TCERG1L: variants seen among roughly 807,000 people sequenced by gnomAD.
TCERG1L encodes the protein transcription elongation regulator 1-like protein.
Under a neutral mutation model 56.3 loss-of-function variants are expected in TCERG1L, and 37 were observed. The observed-to-expected ratio is 0.66, with a 90% CI of 0.51 to 0.87. The LOEUF (loss-of-function observed/expected upper bound fraction) is 0.87, where lower values mean the gene tolerates loss of function less well. TCERG1L is among the 40% of genes least tolerant of loss of function. The pLI is 0.00. For synonymous variants in TCERG1L, 324 were observed against 326.3 expected, an observed-to-expected ratio of 0.99 and a Z score of 0.08; for missense variants, 799 against 774.2, an observed-to-expected ratio of 1.03 and a Z score of -0.38.
At chr10:131,130,516 G>A (rs575881276) in intron 8 of TCERG1L, among the ~76,000 whole-genome samples, 5 of 152,240 alleles carry the variant, frequency 3.3e-5, no homozygotes, top group African/African-American at 1.2e-4. Flanking sequence ...CAGGGCCCAC[G>A]CCCCTGTGTC....
chr10:131,235,652 G>T (rs1845905191), intron 4 of TCERG1L, among the ~76,000 whole-genome samples: 1 of 152,156 alleles, frequency 6.6e-6, no homozygotes, highest in Non-Finnish European at 1.5e-5. Context: ...ATAAAAAACA[G>T]CTAAGTCTGA....
intron 4 of TCERG1L, among the ~76,000 whole-genome samples, chr10:131,202,412 T>C (rs1002619281): frequency 6.6e-6 from 1 of 152,096 alleles, no homozygotes; most frequent in African/African-American, 2.4e-5. Flanking sequence ...TGAAACCCCA[T>C]TACCACTAAA....
chr10:131,096,434 C>A (rs1845247656), intron 11 of TCERG1L, among the ~76,000 whole-genome samples: 1 of 128,004 alleles, frequency 7.8e-6, no homozygotes, highest in Non-Finnish European at 1.8e-5. Context: ...GAAGATAATT[C>A]ATGCTATTTT....
At chr10:131,124,809 C>A (rs1845548319) in intron 8 of TCERG1L, among the ~76,000 whole-genome samples, 1 of 152,236 alleles carries the variant, frequency 6.6e-6, no homozygotes, top group African/African-American at 2.4e-5. Context: ...GGTCTCTGAG[C>A]TCGGAACCTG....
chr10:131,231,718 G>A (rs904380713), intron 4 of TCERG1L, among the ~76,000 whole-genome samples: 11 of 152,328 alleles, frequency 7.2e-5, no homozygotes, highest in South Asian at 4.1e-4. Flanking sequence ...AGGCCGGCAC[G>A]TGGGGGGAAG....
chr10:131,264,351 G>A (rs999248236), intron 3 of TCERG1L, among the ~76,000 whole-genome samples: 1 of 152,240 alleles, frequency 6.6e-6, no homozygotes, highest in Non-Finnish European at 1.5e-5. Flanking sequence ...GGAAGGGGCT[G>A]TCGAAGACCA....
At chr10:131,280,953 C>T (rs575593785) in intron 3 of TCERG1L, among the ~76,000 whole-genome samples, 35 of 152,222 alleles carry the variant, frequency 2.3e-4, no homozygotes, top group African/African-American at 8.2e-4. Flanking sequence ...TGTGGCCGCA[C>T]CTTCCCCCTC....
intron 3 of TCERG1L, among the ~76,000 whole-genome samples, chr10:131,302,004 T>C (rs1846766605): frequency 1.3e-5 from 2 of 152,078 alleles, no homozygotes; most frequent in South Asian, 2.1e-4. Flanking sequence ...AGCAGCAACA[T>C]TAATTTTAGA....
At chr10:131,108,642 G>C (rs549565014) in intron 9 of TCERG1L, among the ~76,000 whole-genome samples, 1 of 152,180 alleles carries the variant, frequency 6.6e-6, no homozygotes, top group Non-Finnish European at 1.5e-5. Flanking sequence ...CAAACTCAGC[G>C]GGTCACAAGC....
At chr10:131,146,958 C>G (rs536595774) in intron 6 of TCERG1L, among the ~76,000 whole-genome samples, 2 of 152,318 alleles carry the variant, frequency 1.3e-5, no homozygotes, top group African/African-American at 4.8e-5. Context: ...CTCTCTCCAG[C>G]CCACCAGCTG....
chr10:131,303,127 C>T (rs1278839619), intron 3 of TCERG1L, among the ~76,000 whole-genome samples: 4 of 151,974 alleles, frequency 2.6e-5, no homozygotes, highest in Non-Finnish European at 4.4e-5. Flanking sequence ...ATTTATAATC[C>T]TCTGGGTATA....
intron 7 of TCERG1L, 132 bp from the exon 8 acceptor site, chr10:131,134,580 T>G: frequency 7.2e-6 from 5 of 694,022 alleles, no homozygotes; most frequent in Non-Finnish European, 9.9e-6. Flanking sequence ...AAGATTGATG[T>G]GAAATCCTAC....
At chr10:131,196,647 C>T (rs1395516667) in intron 4 of TCERG1L, among the ~76,000 whole-genome samples, 3 of 152,200 alleles carry the variant, frequency 2.0e-5, no homozygotes, top group Admixed American at 6.5e-5. Context: ...AGCTCGGAGG[C>T]CACCTTGGCA....
rs555341628 is a variant in TCERG1L at position 131,260,840 on chromosome 10, G to A, written c.671-396C>T. On this transcript the variant is annotated intron_variant, in intron 3 of 11. Coordinates refer to ENST00000368642, the MANE Select transcript of TCERG1L (RefSeq NM_174937.4). The surrounding 1 kb of genome is among the most constrained non-coding windows in gnomAD (Gnocchi z 5.8). ...AGCAGAAACCGGTGAAGGCCCAGGA[G>A]TGCCACATAAAAAAGTGGGGGTGGT... Among the ~76,000 whole-genome samples, 1 of 152,196 alleles carries A rather than the reference G, an allele frequency of 6.6e-6. No individual in the cohort carries two copies. The highest frequency in any genetic ancestry group is 2.4e-5 in the African/African-American group (1 of 41,458).
chr10:131,234,946 C>T lies in TCERG1L; in HGVS notation c.856+25313G>A, dbSNP rs913247938. ...CTCGATCTTTTGACCTCATGATCTG[C>T]CCACCTCTGCCTCCCAAAGTGGTGG... On this transcript the variant is annotated intron_variant, in intron 4 of 11. Transcript: ENST00000368642. Among the ~76,000 whole-genome samples the T allele has an allele frequency of 6.6e-5, 10 of 152,308 alleles. No homozygotes were observed. In the South Asian group the frequency reaches 8.3e-4, roughly 13 times the overall value.
chr10:131,258,305 C>T (rs1330889691), intron 4 of TCERG1L, among the ~76,000 whole-genome samples: 1 of 152,258 alleles, frequency 6.6e-6, no homozygotes, highest in Admixed American at 6.5e-5. Flanking sequence ...TATCCCATCT[C>T]CGTCAAGTCT....
At chr10:131,106,444 G>A (rs925007814) in intron 9 of TCERG1L, among the ~76,000 whole-genome samples, 2 of 152,196 alleles carry the variant, frequency 1.3e-5, no homozygotes, top group East Asian at 3.9e-4. Flanking sequence ...AGCCTTGGGG[G>A]GTATTCCAGG....
At chr10:131,112,158 T>C (rs943472592) in intron 9 of TCERG1L, among the ~76,000 whole-genome samples, 8 of 142,648 alleles carry the variant, frequency 5.6e-5, no homozygotes, top group Admixed American at 4.8e-4. Context: ...TGAAGAGGGT[T>C]CAAAAATCTC....
chr10:131,195,459 C>T (rs944981520), intron 4 of TCERG1L, among the ~76,000 whole-genome samples: 3 of 152,202 alleles, frequency 2.0e-5, no homozygotes, highest in Admixed American at 6.5e-5. Flanking sequence ...TCAAGGCTGA[C>T]GGCTATCCAC....
Sources: allele counts gnomAD v4.1 joint callset (sites outside exome capture counted in the v4.1 genomes callset), GRCh38; gene constraint gnomAD v4.1.1; non-coding constraint Gnocchi (gnomAD v3.1); transcripts MANE v1.5; gene names NCBI Gene and HGNC (gene_info 2026-07-23, HGNC 2026-07-21).